Variants in MMP28 observed in about 807,000 individuals in gnomAD.
MMP28 encodes the protein matrix metallopeptidase 28, also known as matrix metalloproteinase-28.
A neutral mutation model predicts 60.5 loss-of-function variants in MMP28; 55 were observed. The observed-to-expected ratio is 0.91, with a 90% CI of 0.73 to 1.14. MMP28 has a LOEUF of 1.14. MMP28 is among the 50% of genes most tolerant of loss of function. The pLI is 0.00. For synonymous variants in MMP28, 318 were observed against 312.5 expected (o/e 1.02, Z -0.18); for missense variants, 686 against 738.3 (o/e 0.93, Z 0.82).
intron 5 of MMP28, among the ~76,000 whole-genome samples, chr17:35,769,644 C>T (rs774545200): frequency 1.3e-5 from 2 of 151,016 alleles, no homozygotes; most frequent in Non-Finnish European, 2.9e-5. Context: ...GAGAAAGGCT[C>T]GGGGAGAGCT....
chr17:35,783,243 T>C (rs893218085), intron 1 of MMP28, among the ~76,000 whole-genome samples: 20 of 152,252 alleles, frequency 1.3e-4, no homozygotes, highest in African/African-American at 4.6e-4. Flanking sequence ...AATAAAAGAA[T>C]GCACATTTAG....
chr17:35,782,051 C>CTTT (rs1399946214), intron 1 of MMP28, among the ~76,000 whole-genome samples: 2,288 of 130,818 alleles, frequency 0.017, 94 homozygotes, highest in African/African-American at 0.064. Context: ...GTATTTCTCT[C>CTTT]TTTTTTTTTT....
chr17:35,776,330 C>A (rs1469540771), intron 3 of MMP28, among the ~76,000 whole-genome samples: 1 of 151,858 alleles, frequency 6.6e-6, no homozygotes, highest in African/African-American at 2.4e-5. Context: ...TGCCACCACA[C>A]CAGGCTAATT....
rs190725279 is a variant in MMP28, at chr17:35,767,049, A to T, written c.1169-155T>A. ...AAACGGATTGCACTACAAATTAGTT[A>T]TAAATAGCAGGGTGGTAGTAGCAAC... On this transcript the variant is annotated intron_variant, in intron 7 of 7. Transcript: ENST00000605424. 222 of 775,890 alleles carry T rather than the reference A, an allele frequency of 2.9e-4. 1 individual carries two copies. The African/African-American group carries it at 3.2e-3, about 11-fold the overall frequency. 48.1% of individuals were successfully genotyped at this position (775,890 alleles called of 1,614,324 possible).
downstream of MMP28, among the ~76,000 whole-genome samples, chr17:35,761,595 A>G (rs2085822508): frequency 6.6e-6 from 1 of 151,946 alleles, no homozygotes; most frequent in Admixed American, 6.6e-5. Flanking sequence ...TAGTCTTAAC[A>G]TCTGCTTCAT....
chr17:35,761,959 G>A (rs1366599042), downstream of MMP28, among the ~76,000 whole-genome samples: 4 of 152,134 alleles, frequency 2.6e-5, no homozygotes, highest in African/African-American at 9.7e-5. Context: ...AGGATGGACT[G>A]GGATCAAAAG....
Position 35,778,925 on chromosome 17 carries a change from C to A in MMP28, c.342G>T (p.Arg114=). 6.2e-7 allele frequency: 1 copy of A among 1,614,066 alleles called. No homozygotes were observed. The highest frequency in any genetic ancestry group is 8.5e-7 in the Non-Finnish European group (1 of 1,179,910). Residue 114 remains arginine, a synonymous_variant, in exon 3 of 8, where the codon CGG becomes CGT. Transcript: ENST00000605424. ...AGCGTTTCTTACGCCTCATTTTGGT[C>A]CGGTGTCTAGCAAACAAGTCACTGA... ...ERISDLFARH[R]TKMRRKKRFA... is the part of the protein sequence containing the mutation.
At chr17:35,779,106 G>T (rs748483594) in intron 2 of MMP28, 31 bp from the exon 3 acceptor site, 4 of 1,606,568 alleles carry the variant, frequency 2.5e-6, no homozygotes, top group Admixed American at 3.4e-5. Flanking sequence ...CAAGGGGAGG[G>T]TGAGTGGTAA....
At chr17:35,769,556 G>A (rs1017118183) in intron 5 of MMP28, among the ~76,000 whole-genome samples, 14 of 152,208 alleles carry the variant, frequency 9.2e-5, no homozygotes, top group Non-Finnish European at 1.8e-4. Context: ...CCACCCTGGG[G>A]AAGAAGACCT....
intron 3 of MMP28, among the ~76,000 whole-genome samples, chr17:35,777,956 A>G (rs1439781107): frequency 6.6e-6 from 1 of 152,206 alleles, no homozygotes; most frequent in Non-Finnish European, 1.5e-5. Context: ...TGAACCCAGG[A>G]GGCGGAGGTT....
At chr17:35,787,899 CTTTTTTTTTT>C (rs532350874) in intron 1 of MMP28, among the ~76,000 whole-genome samples, 3 of 104,412 alleles carry the variant, frequency 2.9e-5, no homozygotes, top group African/African-American at 1.1e-4. Context: ...TTTTCTTTCC[CTTTTTTTTTT>C]TTTTTTTTTT....
chr17:35,789,592 G>A (rs1477658481), intron 1 of MMP28, among the ~76,000 whole-genome samples: 1 of 150,924 alleles, frequency 6.6e-6, no homozygotes, highest in Admixed American at 6.6e-5. Flanking sequence ...ATGAAATGTT[G>A]TATTTTCATT....
rs567799013 is a variant in MMP28 at position 35,795,407 on chromosome 17, G to A, written c.-30C>T. On this transcript the variant is annotated 5_prime_UTR_variant, in exon 1 of 8. Transcript: ENST00000605424. ...CCGCCTCCGGTGCAGCCCGGCTCGG[G>A]GAGCTACTGCGCGCAGGGAACCAGC... 1.5e-6 allele frequency: 2 copies of A among 1,375,758 alleles called. No individual in the cohort carries two copies. Among genetic ancestry groups the A allele is most frequent in the South Asian group, 1.7e-5 (1 of 59,968 alleles). The allele number at this position is 1,375,758 out of a possible 1,614,324, so 85.2% of individuals were successfully genotyped here. A position where few individuals can be genotyped will look rare whatever the true frequency, so the allele number is the denominator to read the frequency against.
intron 1 of MMP28, among the ~76,000 whole-genome samples, chr17:35,793,181 T>A (rs1187548383): frequency 6.6e-6 from 1 of 152,130 alleles, no homozygotes; most frequent in Admixed American, 6.5e-5. Flanking sequence ...GAGTTAAAAA[T>A]CCCCTTCCCC....
chr17:35,760,517 A>G (rs2085798149), intron 2 of MMP28, among the ~76,000 whole-genome samples: 1 of 152,172 alleles, frequency 6.6e-6, no homozygotes, highest in Admixed American at 6.5e-5. Context: ...TAATGATACA[A>G]ACAAACCCAG....
In MMP28 at chr17:35,773,170, G is replaced by A. The variant is rs758220136; in HGVS notation, c.604+10C>T. 6.2e-7 allele frequency: 1 copy of A among 1,611,552 alleles called. No individual in the cohort carries two copies. The highest frequency in any genetic ancestry group is 1.7e-5 in the Admixed American group (1 of 59,892). ...TCCTGCTGTGCGGGAGGGAGGCTTT[G>A]TGCCAGCACCTGGGCCATCAAAGGC... On this transcript the variant is annotated intron_variant, in intron 4 of 7. Transcript: ENST00000605424.
At position 35,766,102 on chromosome 17, in the gene MMP28, G is replaced by A. The variant is rs1284924329; in HGVS notation, c.*398C>T. The A allele has an allele frequency of 1.6e-5, 16 of 1,002,976 alleles. No individual in the cohort carries two copies. The highest frequency in any genetic ancestry group is 1.9e-5 in the Non-Finnish European group (16 of 841,624). 62.1% of individuals were successfully genotyped at this position (1,002,976 alleles called of 1,614,324 possible). On this transcript the variant is annotated 3_prime_UTR_variant, in exon 8 of 8. Transcript: ENST00000605424. The surrounding 1 kb of genome is among the most constrained non-coding windows in gnomAD (Gnocchi z 4.3). Reference sequence around the variant, plus strand: ...TGAGCCAGGGGGTCCTGAGGAGAAGGGCACAGTCTTGCAAAATGGTCTCGA... The same window carrying A: ...TGAGCCAGGGGGTCCTGAGGAGAAGAGCACAGTCTTGCAAAATGGTCTCGA...
At position 35,768,086 on chromosome 17, in the gene MMP28, G is replaced by T. The variant is rs2086001053; in HGVS notation, c.1000+144C>A. 5.5e-6 allele frequency: 7 copies of T among 1,275,636 alleles called. No homozygotes were observed. The African/African-American group carries it at 9.0e-5, about 16-fold the overall frequency. The allele number at this position is 1,275,636 out of a possible 1,614,324, so 79.0% of individuals were successfully genotyped here. On this transcript the variant is annotated intron_variant, in intron 6 of 7. Transcript: ENST00000605424. Reference sequence around the variant, plus strand: ...GCAGGAAGAAGCGGTGTTTTGCTGGGTGTGGGGTTGCTACCTGCAGCGTGC... The same window carrying T: ...GCAGGAAGAAGCGGTGTTTTGCTGGTTGTGGGGTTGCTACCTGCAGCGTGC...
downstream of MMP28, among the ~76,000 whole-genome samples, chr17:35,763,526 T>C (rs2143102925): frequency 6.9e-6 from 1 of 144,904 alleles, no homozygotes; most frequent in African/African-American, 2.6e-5. Context: ...GCTCAAGCCA[T>C]CCACCGACCT....
Sources: allele counts gnomAD v4.1 joint callset (sites outside exome capture counted in the v4.1 genomes callset), GRCh38; gene constraint gnomAD v4.1.1; non-coding constraint Gnocchi (gnomAD v3.1); transcripts MANE v1.5; gene names NCBI Gene and HGNC (gene_info 2026-07-23, HGNC 2026-07-21).